MNAT1: variants seen among roughly 807,000 people sequenced by gnomAD.
MNAT1 encodes MNAT1 component of CDK activating kinase, also known as CDK-activating kinase assembly factor MAT1.
Under a neutral mutation model 42.0 loss-of-function variants are expected in MNAT1, and 43 were observed. The ratio of observed to expected loss-of-function variants is 1.02; its 90% confidence interval spans 0.80 to 1.32. The LOEUF is 1.32. Ranked by LOEUF, MNAT1 falls within the 40% of genes most tolerant of loss-of-function variation. The probability of loss-of-function intolerance (pLI) is 0.00; values close to 1 mark genes in which losing one functional copy is unlikely to be tolerated. For missense variants in MNAT1, 306 were observed against 350.4 expected (o/e 0.87, Z 1.01); for synonymous variants, 118 against 120.0 (o/e 0.98, Z 0.11).
intron 1 of MNAT1, among the ~76,000 whole-genome samples, chr14:60,762,610 G>T (rs1156435791): frequency 1.3e-5 from 2 of 148,466 alleles, no homozygotes; most frequent in East Asian, 3.9e-4. Flanking sequence ...GGAGGCTGAG[G>T]CAGGAGAATC....
intron 6 of MNAT1, among the ~76,000 whole-genome samples, chr14:60,824,186 TGA>T (rs2032987982): frequency 6.6e-6 from 1 of 152,076 alleles, no homozygotes; most frequent in African/African-American, 2.4e-5. Context: ...ACCATTCTTA[TGA>T]GATTGTGATA....
intron 6 of MNAT1, among the ~76,000 whole-genome samples, chr14:60,822,982 C>G (rs908863772): frequency 7.2e-5 from 11 of 152,120 alleles, no homozygotes; most frequent in Non-Finnish European, 1.6e-4. Flanking sequence ...GTCTGGAACT[C>G]CTGAGCTCAA....
At chr14:60,856,366 C>A (rs1357623896) in intron 6 of MNAT1, among the ~76,000 whole-genome samples, 2 of 152,006 alleles carry the variant, frequency 1.3e-5, no homozygotes, top group Non-Finnish European at 2.9e-5. Context: ...AGGTTGTAAT[C>A]CCTAACTCTC....
At chr14:60,768,962 T>C (rs1053086853) in intron 1 of MNAT1, among the ~76,000 whole-genome samples, 3 of 152,242 alleles carry the variant, frequency 2.0e-5, no homozygotes, top group Non-Finnish European at 2.9e-5. Context: ...GTTTACATTT[T>C]TAAGTTATTT....
intron 7 of MNAT1, among the ~76,000 whole-genome samples, chr14:60,891,655 G>A (rs888133213): frequency 2.6e-4 from 39 of 152,068 alleles, no homozygotes; most frequent in Admixed American, 1.8e-3. Context: ...GTTTTACCAC[G>A]TTGGCCAGGC....
At chr14:60,907,921 T>C (rs2035246698) in intron 7 of MNAT1, among the ~76,000 whole-genome samples, 1 of 152,138 alleles carries the variant, frequency 6.6e-6, no homozygotes, top group Non-Finnish European at 1.5e-5. Context: ...ACTAAGATAT[T>C]TCCTAGTTAT....
At chr14:60,768,419 T>C (rs1453681758) in intron 1 of MNAT1, among the ~76,000 whole-genome samples, 1 of 152,226 alleles carries the variant, frequency 6.6e-6, no homozygotes, top group African/African-American at 2.4e-5. Flanking sequence ...AGTTTTGTTT[T>C]GGTTTTAAAT....
intron 6 of MNAT1, among the ~76,000 whole-genome samples, chr14:60,863,830 A>C (rs1594813059): frequency 6.6e-6 from 1 of 152,026 alleles, no homozygotes; most frequent in Non-Finnish European, 1.5e-5. Flanking sequence ...GTGATTTGTT[A>C]AAGTACAATA....
intron 3 of MNAT1, among the ~76,000 whole-genome samples, chr14:60,800,414 C>T (rs891855733): frequency 6.6e-6 from 1 of 152,020 alleles, no homozygotes; most frequent in Non-Finnish European, 1.5e-5. Flanking sequence ...TGTAGTGGCA[C>T]ACGTTTGTAG....
chr14:60,759,742 G>C (rs1282208570), intron 1 of MNAT1, among the ~76,000 whole-genome samples: 1 of 152,140 alleles, frequency 6.6e-6, no homozygotes, highest in Non-Finnish European at 1.5e-5. Flanking sequence ...TCTTTGCTTT[G>C]TAAGTGTTAG....
At chr14:60,909,197 G>A (rs2139522230) in intron 7 of MNAT1, among the ~76,000 whole-genome samples, 1 of 152,056 alleles carries the variant, frequency 6.6e-6, no homozygotes, top group African/African-American at 2.4e-5. Flanking sequence ...AAATTTGTTT[G>A]AGTTCATTGT....
At chr14:60,741,658 GTTTTTTTT>G (rs3049888) in intron 1 of MNAT1, among the ~76,000 whole-genome samples, 6 of 92,022 alleles carry the variant, frequency 6.5e-5, no homozygotes, top group South Asian at 3.8e-4. Context: ...TGCGCCTGGG[GTTTTTTTT>G]TTTTTTTTTT....
intron 7 of MNAT1, among the ~76,000 whole-genome samples, chr14:60,896,519 T>C (rs2034959789): frequency 1.3e-5 from 2 of 152,214 alleles, no homozygotes; most frequent in Non-Finnish European, 2.9e-5. Flanking sequence ...AAATGGAGTC[T>C]CTATTGCCCA....
chr14:60,865,665 T>G (rs1325072856), intron 6 of MNAT1, among the ~76,000 whole-genome samples: 1 of 152,106 alleles, frequency 6.6e-6, no homozygotes, highest in Non-Finnish European at 1.5e-5. Flanking sequence ...TTCAACATTG[T>G]ATCACATTTA....
intron 7 of MNAT1, among the ~76,000 whole-genome samples, chr14:60,911,914 AGTGGGGTGTTAAAGTCTCCCATTATTATT>A: frequency 6.6e-6 from 1 of 152,178 alleles, no homozygotes; most frequent in East Asian, 1.9e-4. Flanking sequence ...TAATGTTGAC[AGTGGGGTGTTAAAGTCTCCCATTATTATT>A]GTGTGGGAGT....
chr14:60,937,591 G>C (rs1049077905), intron 7 of MNAT1, among the ~76,000 whole-genome samples: 237 of 152,164 alleles, frequency 1.6e-3, no homozygotes, highest in East Asian at 3.3e-3. Flanking sequence ...TGGTCTATAT[G>C]TCTGTTTTGG....
chr14:60,901,553 A>G (rs1163768827), intron 7 of MNAT1, among the ~76,000 whole-genome samples: 1 of 152,218 alleles, frequency 6.6e-6, no homozygotes, highest in Non-Finnish European at 1.5e-5. Context: ...CCTTCTGGAA[A>G]CAATTCATTA....
At chr14:60,735,050 G>GT in intron 1 of MNAT1, 99 bp downstream of exon 1, 1 of 1,150,470 alleles carries the variant, frequency 8.7e-7, no homozygotes, top group Non-Finnish European at 1.3e-6. Flanking sequence ...AAAGGGCGTT[G>GT]TTAGTTTCAA....
At chr14:60,967,728 T>C (rs1566584601) in intron 7 of MNAT1, among the ~76,000 whole-genome samples, 2 of 152,368 alleles carry the variant, frequency 1.3e-5, no homozygotes, top group South Asian at 2.1e-4. Flanking sequence ...TGAGACAATA[T>C]ATTCTTGGAA....
Sources: gnomAD v4.1 joint callset for allele counts (sites outside exome capture counted in the v4.1 genomes callset) on GRCh38, gnomAD v4.1.1 for gene constraint, MANE v1.5 for transcripts, NCBI Gene and HGNC (gene_info 2026-07-23, HGNC 2026-07-21) for gene names.